The following SMYD3 variants were observed in gnomAD, a reference collection of about 807,000 sequenced individuals.
The protein encoded by SMYD3 is histone-lysine N-methyltransferase SMYD3.
A neutral mutation model predicts 57.7 loss-of-function variants in SMYD3; 36 were observed. That is an observed-to-expected ratio of 0.62 (90% CI 0.48 to 0.82). The LOEUF is 0.82. SMYD3 is among the 40% of genes least tolerant of loss of function. The probability of loss-of-function intolerance (pLI) is 0.00; values close to 1 mark genes in which losing one functional copy is unlikely to be tolerated. For missense variants in SMYD3, 515 were observed against 538.8 expected (o/e 0.96, Z 0.44); for synonymous variants, 211 against 195.0 (o/e 1.08, Z -0.68).
chr1:245,974,031 G>C (rs115595345), intron 5 of SMYD3, among the ~76,000 whole-genome samples: 30 of 152,066 alleles, frequency 2.0e-4, no homozygotes, highest in Non-Finnish European at 4.1e-4. Context: ...TTTCAATCAA[G>C]TCACAAACTA....
At chr1:245,763,300 C>G (rs1247561906) in intron 11 of SMYD3, among the ~76,000 whole-genome samples, 1 of 152,194 alleles carries the variant, frequency 6.6e-6, no homozygotes, top group East Asian at 1.9e-4. Context: ...ACGAAGCCCT[C>G]ACACTCTCCT....
intron 2 of SMYD3, among the ~76,000 whole-genome samples, chr1:246,354,667 T>C (rs1157034372): frequency 1.3e-5 from 2 of 148,156 alleles, no homozygotes; most frequent in African/African-American, 2.5e-5. Context: ...TTTTTAAACA[T>C]AGGATGTAGA....
At chr1:246,052,111 T>A (rs78528965) in intron 5 of SMYD3, among the ~76,000 whole-genome samples, 2,259 of 152,332 alleles carry the variant, frequency 0.015, 33 homozygotes, top group South Asian at 0.034. Flanking sequence ...CCTTTTAACA[T>A]TTTTCTCTCT....
intron 5 of SMYD3, among the ~76,000 whole-genome samples, chr1:246,062,166 T>C (rs1294522438): frequency 8.3e-6 from 1 of 120,258 alleles, no homozygotes; most frequent in African/African-American, 3.5e-5. Flanking sequence ...CATCCACATG[T>C]GATTCATTCA....
intron 10 of SMYD3, among the ~76,000 whole-genome samples, chr1:245,809,771 C>T (rs528962839): frequency 1.3e-5 from 2 of 152,230 alleles, no homozygotes; most frequent in African/African-American, 2.4e-5. Context: ...CAGGGCCACA[C>T]TGCTCAGGGA....
At chr1:246,504,540 C>T (rs1316669431) in intron 1 of SMYD3, among the ~76,000 whole-genome samples, 1 of 152,204 alleles carries the variant, frequency 6.6e-6, no homozygotes, top group Non-Finnish European at 1.5e-5. Flanking sequence ...TCTGGTCTTT[C>T]GCTGACCAAA....
chr1:245,799,701 G>A (rs928378571), intron 10 of SMYD3, among the ~76,000 whole-genome samples: 2 of 152,184 alleles, frequency 1.3e-5, no homozygotes, highest in Admixed American at 6.5e-5. Flanking sequence ...GCATCTGTCT[G>A]CCCTGGATTA....
intron 8 of SMYD3, among the ~76,000 whole-genome samples, chr1:245,872,364 C>T (rs2052246477): frequency 6.6e-6 from 1 of 152,046 alleles, no homozygotes; most frequent in Non-Finnish European, 1.5e-5. Flanking sequence ...TGCTGCTTCA[C>T]CCATCTCCTG....
intron 8 of SMYD3, among the ~76,000 whole-genome samples, chr1:245,874,568 G>A (rs1389619040): frequency 1.3e-5 from 2 of 152,166 alleles, no homozygotes; most frequent in East Asian, 1.9e-4. Context: ...TCAGAGTTGG[G>A]CTGCAGAAAT....
intron 5 of SMYD3, among the ~76,000 whole-genome samples, chr1:246,027,532 A>G (rs1408033042): frequency 6.6e-6 from 1 of 152,180 alleles, no homozygotes; most frequent in Admixed American, 6.5e-5. Context: ...TGTACTGCCC[A>G]TGTTCTACCA....
chr1:245,854,138 A>T (rs546723858), intron 10 of SMYD3, among the ~76,000 whole-genome samples: 7 of 152,348 alleles, frequency 4.6e-5, no homozygotes, highest in African/African-American at 1.7e-4. Context: ...TTGATGAAAG[A>T]AGAGATGAAG....
chr1:246,046,057 G>C (rs1167791692), intron 5 of SMYD3, among the ~76,000 whole-genome samples: 2 of 152,208 alleles, frequency 1.3e-5, no homozygotes, highest in African/African-American at 4.8e-5. Flanking sequence ...CATTGCGGAA[G>C]ACAGTGTGGC....
intron 5 of SMYD3, among the ~76,000 whole-genome samples, chr1:245,995,918 A>G (rs763734866): frequency 1.3e-5 from 2 of 152,208 alleles, no homozygotes; most frequent in Non-Finnish European, 2.9e-5. Context: ...CTGAGAAGGG[A>G]GATGAAGTTT....
chr1:246,240,336 A>G (rs2063586697), intron 5 of SMYD3, among the ~76,000 whole-genome samples: 1 of 152,192 alleles, frequency 6.6e-6, no homozygotes, highest in Non-Finnish European at 1.5e-5. Context: ...AGCAACATTT[A>G]TTAAATAGGG....
At chr1:246,107,762 T>C (rs972631666) in intron 5 of SMYD3, among the ~76,000 whole-genome samples, 2 of 152,196 alleles carry the variant, frequency 1.3e-5, no homozygotes, top group Non-Finnish European at 2.9e-5. Context: ...GCTGATGCCA[T>C]GGGAACCCCT....
rs77538655 is a variant in SMYD3 at position 246,275,705 on chromosome 1, T to C, written c.531+51496A>G. Among the ~76,000 whole-genome samples, 10 of 149,308 alleles carry C rather than the reference T, an allele frequency of 6.7e-5. No homozygotes were observed. The South Asian group carries it at 8.6e-4, about 13-fold the overall frequency. On this transcript the variant is annotated intron_variant, in intron 5 of 11. Transcript: ENST00000490107. ...AATACTAACTCTGTTTTTTACTAGC[T>C]GTATTAACACTGGCAAGTTATTTAA... is the stretch of plus-strand genomic sequence containing the variant.
chr1:246,341,206 G>T (rs985506941), intron 2 of SMYD3, among the ~76,000 whole-genome samples: 1 of 152,054 alleles, frequency 6.6e-6, no homozygotes, highest in Non-Finnish European at 1.5e-5. Context: ...ACTTTTATAC[G>T]AAAGGGACAG....
intron 10 of SMYD3, among the ~76,000 whole-genome samples, chr1:245,818,224 G>T (rs1010303054): frequency 2.0e-5 from 3 of 152,220 alleles, no homozygotes; most frequent in African/African-American, 7.2e-5. Flanking sequence ...CAAGCCAGAA[G>T]AGAGTGGGGA....
At chr1:246,011,494 A>G (rs1463104147) in intron 5 of SMYD3, among the ~76,000 whole-genome samples, 1 of 152,188 alleles carries the variant, frequency 6.6e-6, no homozygotes, top group East Asian at 1.9e-4. Flanking sequence ...TGCCTGTAAA[A>G]TTTAGAAAAA....
Sources: gnomAD v4.1 joint callset for allele counts (sites outside exome capture counted in the v4.1 genomes callset) on GRCh38, gnomAD v4.1.1 for gene constraint, MANE v1.5 for transcripts, NCBI Gene and HGNC (gene_info 2026-07-23, HGNC 2026-07-21) for gene names.